Variants in CEP112 observed in about 807,000 individuals in gnomAD.
CEP112 encodes the protein centrosomal protein 112, also known as centrosomal protein of 112 kDa.
A neutral mutation model predicts 153.0 loss-of-function variants in CEP112; 127 were observed. The observed-to-expected ratio is 0.83, with a 90% CI of 0.72 to 0.96. The LOEUF (loss-of-function observed/expected upper bound fraction) is 0.96, where lower values mean the gene tolerates loss of function less well. Ranked by LOEUF, CEP112 falls within the 40% of genes least tolerant of loss-of-function variation. The probability of loss-of-function intolerance (pLI) is 0.00; values close to 1 mark genes in which losing one functional copy is unlikely to be tolerated. For missense variants in CEP112, 1,089 were observed against 1,101.2 expected (o/e 0.99, Z 0.16); for synonymous variants, 358 against 374.4 (o/e 0.96, Z 0.51).
At chr17:65,881,206 G>T (rs892297608) in intron 20 of CEP112, among the ~76,000 whole-genome samples, 16 of 152,130 alleles carry the variant, frequency 1.1e-4, no homozygotes, top group Non-Finnish European at 1.0e-4. Flanking sequence ...GACAGAGAGA[G>T]ACTCTGTCTC....
At chr17:66,015,820 AGTTATTTTTGT>A (rs1271859295) in intron 16 of CEP112, among the ~76,000 whole-genome samples, 1 of 152,124 alleles carries the variant, frequency 6.6e-6, no homozygotes, top group Non-Finnish European at 1.5e-5. Context: ...TCATATCTTT[AGTTATTTTTGT>A]GTTATTTTAT....
chr17:65,938,084 T>C lies in CEP112; in HGVS notation c.1873-10395A>G, dbSNP rs571836212. 3.4e-5 allele frequency among the ~76,000 whole-genome samples: 4 copies of C among 116,090 alleles called. 1 individual carries two copies. In the Admixed American group the frequency reaches 4.3e-4, roughly 12 times the overall value. 76.2% of individuals were successfully genotyped at this position (116,090 alleles called of 152,430 possible). The stretch of plus-strand genomic sequence containing the variant: ...TTTGTTCTGTACTAAGAAAAATTAT[T>C]CTGCCTTGGGATCCTGTTGATCTGT... On this transcript the variant is annotated intron_variant, in intron 18 of 26. Transcript: ENST00000535342.
intron 17 of CEP112, among the ~76,000 whole-genome samples, chr17:65,971,240 A>G (rs760112908): frequency 6.6e-5 from 10 of 152,210 alleles, no homozygotes; most frequent in South Asian, 2.1e-4. Context: ...TACGTGCAAA[A>G]CATGCACATC....
At chr17:65,667,369 C>T (rs1466870193) in intron 24 of CEP112, among the ~76,000 whole-genome samples, 1 of 152,014 alleles carries the variant, frequency 6.6e-6, no homozygotes, top group African/African-American at 2.4e-5. Context: ...CGATGAATTA[C>T]GGAGGAATCA....
chr17:65,891,216 A>G (rs2059452787), intron 20 of CEP112, among the ~76,000 whole-genome samples: 1 of 152,172 alleles, frequency 6.6e-6, no homozygotes, highest in Non-Finnish European at 1.5e-5. Flanking sequence ...TAGAGCCAGT[A>G]AATGATAGAG....
intron 20 of CEP112, among the ~76,000 whole-genome samples, chr17:65,891,542 AC>A (rs2059467921): frequency 6.6e-6 from 1 of 151,910 alleles, no homozygotes; most frequent in South Asian, 2.1e-4. Flanking sequence ...CATTCCCCAC[AC>A]CCAACCCATC....
At chr17:65,689,380 A>G (rs895227981) in intron 23 of CEP112, among the ~76,000 whole-genome samples, 162 bp from the exon 24 acceptor site, 1 of 152,190 alleles carries the variant, frequency 6.6e-6, no homozygotes, top group East Asian at 1.9e-4. Flanking sequence ...TCAGGCCAAG[A>G]TGTTTTCTGC....
intron 24 of CEP112, among the ~76,000 whole-genome samples, chr17:65,646,715 G>A (rs2045449854): frequency 6.6e-6 from 1 of 152,204 alleles, no homozygotes; most frequent in Non-Finnish European, 1.5e-5. Context: ...ATGCTGAGCT[G>A]ATTTTTCCAC....
chr17:65,957,323 T>C (rs1348176204), intron 18 of CEP112, among the ~76,000 whole-genome samples: 1 of 152,230 alleles, frequency 6.6e-6, no homozygotes, highest in South Asian at 2.1e-4. Context: ...ATTTTACCCA[T>C]TGACCTGTCA....
chr17:66,041,520 C>A (rs550948743), intron 12 of CEP112, among the ~76,000 whole-genome samples: 1 of 152,234 alleles, frequency 6.6e-6, no homozygotes, highest in East Asian at 1.9e-4. Flanking sequence ...CTAGTATATA[C>A]TGTATACACA....
intron 8 of CEP112, among the ~76,000 whole-genome samples, chr17:66,070,568 T>G (rs892447757): frequency 6.6e-6 from 1 of 152,120 alleles, no homozygotes; most frequent in African/African-American, 2.4e-5. Context: ...AGGGAGTGAC[T>G]TTATCTCCTT....
intron 24 of CEP112, among the ~76,000 whole-genome samples, chr17:65,665,397 C>T (rs1174771161): frequency 6.6e-6 from 1 of 152,210 alleles, no homozygotes; most frequent in African/African-American, 2.4e-5. Flanking sequence ...GCTTCATTAA[C>T]CCAGGTCATA....
At chr17:65,804,268 T>A (rs1293587551) in intron 21 of CEP112, 1 of 152,160 alleles carries the variant, frequency 6.6e-6, no homozygotes, top group Non-Finnish European at 1.5e-5. Flanking sequence ...TTTTCTGAAT[T>A]ATTAAAATTA....
chr17:65,769,338 C>T, intron 21 of CEP112, among the ~76,000 whole-genome samples: 1 of 151,930 alleles, frequency 6.6e-6, no homozygotes, highest in East Asian at 1.9e-4. Context: ...AATGTCCATA[C>T]TACTCCCAAA....
chr17:65,740,968 T>C (rs985604228), intron 23 of CEP112, among the ~76,000 whole-genome samples: 37 of 152,294 alleles, frequency 2.4e-4, no homozygotes, highest in African/African-American at 8.7e-4. Flanking sequence ...CTCATTTTCA[T>C]GGACAGAATG....
intron 8 of CEP112, among the ~76,000 whole-genome samples, chr17:66,072,341 A>G (rs2067334704): frequency 6.6e-6 from 1 of 152,228 alleles, no homozygotes; most frequent in Admixed American, 6.5e-5. Context: ...TTTACAAATT[A>G]TCACAGTAAT....
chr17:65,751,989 TC>T (rs1263764116), intron 21 of CEP112, among the ~76,000 whole-genome samples: 1 of 144,546 alleles, frequency 6.9e-6, no homozygotes, highest in East Asian at 2.1e-4. Context: ...TATCTATCTA[TC>T]TATCTATCTA....
intron 17 of CEP112, among the ~76,000 whole-genome samples, chr17:65,988,645 G>A (rs2063485862): frequency 6.6e-6 from 1 of 152,132 alleles, no homozygotes; most frequent in Non-Finnish European, 1.5e-5. Flanking sequence ...AAATTCATTT[G>A]AGACTCTCAA....
chr17:66,009,189 T>TTGTGTGTGTG lies in CEP112; in HGVS notation c.1657-3430_1657-3421dup, dbSNP rs34971943. ...ATCCTGGCCTACACTTGTTATCCCT[T>TTGTGTGTGTG]TGTGTGTGTGTGTGTGTGTGTGTGT... On this transcript the variant is annotated intron_variant, in intron 16 of 26. Transcript: ENST00000535342. Among the ~76,000 whole-genome samples, 461 of 146,926 alleles carry TTGTGTGTGTG rather than the reference T, an allele frequency of 3.1e-3. 3 individuals carry two copies. The highest frequency in any genetic ancestry group is 0.011 in the African/African-American group (445 of 39,252).
Sources: allele counts gnomAD v4.1 joint callset (sites outside exome capture counted in the v4.1 genomes callset), GRCh38; gene constraint gnomAD v4.1.1; transcripts MANE v1.5; gene names NCBI Gene and HGNC (gene_info 2026-07-23, HGNC 2026-07-21).